Variants in MVB12A observed in about 807,000 individuals in gnomAD.
MVB12A encodes CIN85/CD2AP family binding protein.
A neutral mutation model predicts 34.3 loss-of-function variants in MVB12A; 30 were observed. The observed-to-expected ratio is 0.88, with a 90% CI of 0.65 to 1.19. MVB12A has a LOEUF of 1.19. MVB12A is among the 50% of genes most tolerant of loss of function. MVB12A has a pLI of 0.00. For synonymous variants in MVB12A, 158 were observed against 158.9 expected, an observed-to-expected ratio of 0.99 and a Z score of 0.04; for missense variants, 355 against 369.2, an observed-to-expected ratio of 0.96 and a Z score of 0.31.
Position 17,423,614 on chromosome 19 carries a change from C to T in MVB12A, c.530C>T (p.Pro177Leu). The change falls in exon 5 of 9, where the codon CCA becomes CTA. Residue 177 changes from proline to leucine, a missense_variant. Transcript: ENST00000317040. ...QGLSLDAASQ[P>L]SKGGLLERTA... is the part of the protein sequence containing the mutation. Reference sequence around the variant, plus strand: ...CTCTCTCTGGATGCAGCCAGCCAGCCAAGGTGAGTCCTCAGGCACCGGAGT... The same window carrying T: ...CTCTCTCTGGATGCAGCCAGCCAGCTAAGGTGAGTCCTCAGGCACCGGAGT... The T allele has an allele frequency of 1.2e-6, 2 of 1,614,014 alleles. No individual in the cohort carries two copies. The highest frequency in any genetic ancestry group is 1.7e-6 in the Non-Finnish European group (2 of 1,179,966).
rs181204782 is a variant in MVB12A at position 17,423,388 on chromosome 19, A to G, written c.414-110A>G. The G allele has an allele frequency of 8.5e-3, 11,487 of 1,349,390 alleles. 112 individuals are homozygous for G. The highest frequency in any genetic ancestry group is 0.048 in the Admixed American group (2,020 of 42,500). The allele number at this position is 1,349,390 out of a possible 1,614,324, so 83.6% of individuals were successfully genotyped here. ...AAAAAAAAAAAAAAAAAATTCCCCCAAAAGACAGAGGTCACCTGCATGCCC... is the reference window on the plus strand; with the variant it reads ...AAAAAAAAAAAAAAAAAATTCCCCCGAAAGACAGAGGTCACCTGCATGCCC... On this transcript the variant is annotated intron_variant, in intron 4 of 8. Coordinates refer to ENST00000317040, the MANE Select transcript of MVB12A (RefSeq NM_138401.4).
intron 2 of MVB12A, among the ~76,000 whole-genome samples, chr19:17,411,644 C>T (rs541877994): frequency 6.6e-6 from 1 of 152,154 alleles, no homozygotes; most frequent in South Asian, 2.1e-4. Context: ...AGCCACTCAC[C>T]ACCATCACGC....
chr19:17,412,288 A>T (rs1415557906), intron 2 of MVB12A, among the ~76,000 whole-genome samples: 1 of 151,686 alleles, frequency 6.6e-6, no homozygotes, highest in Non-Finnish European at 1.5e-5. Flanking sequence ...CTTTTTTGAG[A>T]TGGAGTCTCA....
chr19:17,420,266 G>T, intron 1 of MVB12A, 41 bp downstream of exon 1: 3 of 1,542,914 alleles, frequency 1.9e-6, no homozygotes, highest in Non-Finnish European at 2.6e-6. Flanking sequence ...GGGGGAGGCA[G>T]TCGCTGTGGG....
At chr19:17,414,836 T>G (rs959069027) in intron 2 of MVB12A, 20 of 152,452 alleles carry the variant, frequency 1.3e-4, no homozygotes, top group African/African-American at 4.6e-4. Context: ...GCCACTGCAC[T>G]CCAGCCTGGG....
In MVB12A at chr19:17,410,496, TCATATATATATATA is replaced by T. The variant is rs745569636; in HGVS notation, c.-5+4201_-5+4214del. On this transcript the variant is annotated intron_variant, in intron 2 of 6. Transcript: ENST00000528604. ...CGCTAGCATTCTTTTGGTTTTAGCT[TCATATATATATATA>T]TATATATATATATATATATACACAC... Among the ~76,000 whole-genome samples, 583 of 31,516 alleles carry T rather than the reference TCATATATATATATA, an allele frequency of 0.018. 79 individuals are homozygous for T. The South Asian group carries it at 0.3, about 16-fold the overall frequency. 20.7% of individuals were successfully genotyped at this position (31,516 alleles called of 152,430 possible). A position where few individuals can be genotyped will look rare whatever the true frequency, so the allele number is the denominator to read the frequency against.
At chr19:17,407,471 T>C (rs1162443784) in intron 2 of MVB12A, among the ~76,000 whole-genome samples, 1 of 152,060 alleles carries the variant, frequency 6.6e-6, no homozygotes, top group African/African-American at 2.4e-5. Flanking sequence ...TCTCCAATGA[T>C]AGGTAAGGTC....
At chr19:17,421,359 T>C (rs978356978) in intron 3 of MVB12A, among the ~76,000 whole-genome samples, 2 of 151,894 alleles carry the variant, frequency 1.3e-5, no homozygotes, top group African/African-American at 4.8e-5. Flanking sequence ...TAATTTTGTA[T>C]TTTTAGTAGA....
chr19:17,420,104 C>A lies in MVB12A; in HGVS notation c.-32C>A, dbSNP rs200582296. The A allele has an allele frequency of 7.6e-7, 1 of 1,318,380 alleles. No individual in the cohort carries two copies. The highest frequency in any genetic ancestry group is 9.6e-7 in the Non-Finnish European group (1 of 1,039,136). The allele number at this position is 1,318,380 out of a possible 1,614,324, so 81.7% of individuals were successfully genotyped here. A position where few individuals can be genotyped will look rare whatever the true frequency, so the allele number is the denominator to read the frequency against. ...CGCTCCGAGGTTCGAGGCTGTGCCC[C>A]GCGACCCCGCCTTCGGCGCTCGGCT... On this transcript the variant is annotated 5_prime_UTR_variant, in exon 1 of 9. Transcript: ENST00000317040.
intron 4 of MVB12A, 129 bp from the exon 5 acceptor site, chr19:17,423,360 CAAAAAAAAA>C (rs375399762): frequency 2.0e-5 from 18 of 890,288 alleles, no homozygotes; most frequent in Non-Finnish European, 2.7e-5. Context: ...ACTCCGTCCC[CAAAAAAAAA>C]AAAAAAAAAA....
chr19:17,420,974 C>T (rs939235009), intron 3 of MVB12A: 3 of 514,386 alleles, frequency 5.8e-6, no homozygotes, highest in Non-Finnish European at 1.1e-5. Flanking sequence ...TTGCACACGC[C>T]GCTTCCTCTG....
intron 2 of MVB12A, among the ~76,000 whole-genome samples, chr19:17,413,747 C>G (rs1306496803): frequency 6.6e-6 from 1 of 152,188 alleles, no homozygotes; most frequent in Admixed American, 6.6e-5. Context: ...ACAACTTTTC[C>G]TTTGGCAAAC....
intron 3 of MVB12A, 166 bp downstream of exon 3, chr19:17,420,800 T>G: frequency 1.6e-6 from 1 of 634,798 alleles, no homozygotes; most frequent in South Asian, 1.8e-5. Flanking sequence ...TGGACCGACA[T>G]CCCCTGTCCT....
upstream of MVB12A, chr19:17,419,198 C>A (rs2074820285): frequency 6.6e-6 from 1 of 152,210 alleles, no homozygotes; most frequent in Non-Finnish European, 1.5e-5. Context: ...CCTCTCCCTT[C>A]CTGTACCCAG....
rs200582296 is a variant in MVB12A at position 17,420,104 on chromosome 19, C to G, written c.-32C>G. 1.1e-5 allele frequency: 15 copies of G among 1,318,380 alleles called. No homozygotes were observed. In the East Asian group the frequency reaches 4.2e-4, roughly 37 times the overall value. 81.7% of individuals were successfully genotyped at this position (1,318,380 alleles called of 1,614,324 possible). ...CGCTCCGAGGTTCGAGGCTGTGCCC[C>G]GCGACCCCGCCTTCGGCGCTCGGCT... On this transcript the variant is annotated 5_prime_UTR_variant, in exon 1 of 9. Coordinates refer to ENST00000317040, the MANE Select transcript of MVB12A (RefSeq NM_138401.4).
chr19:17,408,634 A>T (rs926503255), intron 2 of MVB12A, among the ~76,000 whole-genome samples: 1 of 150,154 alleles, frequency 6.7e-6, no homozygotes, highest in Non-Finnish European at 1.5e-5. Flanking sequence ...TTTAGTAGAG[A>T]CAGGGTTTTG....
chr19:17,420,017 C>G (rs201774225), upstream of MVB12A: 41,829 of 229,394 alleles, frequency 0.18, 4,604 homozygotes, highest in Non-Finnish European at 0.2. Flanking sequence ...CAATCTCCGC[C>G]CCCCCCCCCC....
intron 2 of MVB12A, among the ~76,000 whole-genome samples, chr19:17,411,718 ACTCCTGGG>A (rs915611747): frequency 3.4e-5 from 5 of 145,776 alleles, no homozygotes; most frequent in Admixed American, 2.0e-4. Flanking sequence ...CTGGTCTCAA[ACTCCTGGG>A]CTCATGTCAT....
At chr19:17,412,478 G>A (rs993145809) in intron 2 of MVB12A, among the ~76,000 whole-genome samples, 2 of 152,018 alleles carry the variant, frequency 1.3e-5, no homozygotes, top group Non-Finnish European at 2.9e-5. Flanking sequence ...TGTTGGCCAG[G>A]CTGGTCTCAA....
Sources: allele counts gnomAD v4.1 joint callset (sites outside exome capture counted in the v4.1 genomes callset), GRCh38; gene constraint gnomAD v4.1.1; transcripts MANE v1.5; gene names NCBI Gene and HGNC (gene_info 2026-07-23, HGNC 2026-07-21).